The following COPS7B variants were observed in gnomAD, a reference collection of about 807,000 sequenced individuals.
The protein encoded by COPS7B is COP9 signalosome complex subunit 7b.
A neutral mutation model predicts 33.4 loss-of-function variants in COPS7B; 9 were observed. The observed-to-expected ratio is 0.27, with a 90% CI of 0.16 to 0.47. The LOEUF (loss-of-function observed/expected upper bound fraction) is 0.47. Ranked by LOEUF, COPS7B falls within the 20% of genes least tolerant of loss-of-function variation. COPS7B has a pLI of 0.99. For missense variants in COPS7B, 242 were observed against 318.2 expected (o/e 0.76, Z 1.82); for synonymous variants, 119 against 126.3 (o/e 0.94, Z 0.39).
chr2:231,806,320 T>C (rs1324342897), intron 6 of COPS7B, among the ~76,000 whole-genome samples: 4 of 152,048 alleles, frequency 2.6e-5, no homozygotes, highest in African/African-American at 9.7e-5. Context: ...GAGGCCAAGG[T>C]AGGAGGGTCA....
Position 231,796,238 on chromosome 2 carries a change from G to A in COPS7B, c.460G>A (p.Val154Met). Residue 154 changes from valine (V) to methionine (M), a missense_variant, in exon 5 of 7, where the codon GTG (valine) becomes ATG (methionine). Coordinates refer to ENST00000350033, the MANE Select transcript of COPS7B (RefSeq NM_022730.4). ...GGACCAGCGAAACCAGCTGCTGGAA[G>A]TGGATTTCTGCATTGGCCGTGACAT... is the stretch of plus-strand genomic sequence containing the variant. ...KLDQRNQLLE[V>M]DFCIGRDIRK... is the part of the protein sequence containing the mutation. The A allele has an allele frequency of 6.2e-7, 1 of 1,614,218 alleles. No individual in the cohort carries two copies. Among genetic ancestry groups the A allele is most frequent in the Non-Finnish European group, 8.5e-7 (1 of 1,180,044 alleles).
upstream of COPS7B, chr2:231,781,916 T>C: frequency 6.5e-7 from 1 of 1,542,594 alleles, no homozygotes; most frequent in Non-Finnish European, 8.8e-7. Flanking sequence ...AAAACACTGA[T>C]TAAACCGTGA....
In COPS7B at chr2:231,807,766, G is replaced by C. The variant is rs1267590214; in HGVS notation, c.*121G>C. 2 of 861,650 alleles carry C rather than the reference G, an allele frequency of 2.3e-6. No homozygotes were observed. The highest frequency in any genetic ancestry group is 3.0e-5 in the Admixed American group (1 of 33,820). 53.4% of individuals were successfully genotyped at this position (861,650 alleles called of 1,614,324 possible). On this transcript the variant is annotated 3_prime_UTR_variant, in exon 7 of 7. Coordinates refer to ENST00000350033, the MANE Select transcript of COPS7B (RefSeq NM_022730.4). ...CAGACCTGCCCGTCCCCTCACCAGCGCCTCCCCACCCTGTTGGTACTGTTC... is the reference window on the plus strand; with the variant it reads ...CAGACCTGCCCGTCCCCTCACCAGCCCCTCCCCACCCTGTTGGTACTGTTC...
chr2:231,791,245 CT>C (rs1391770450), intron 2 of COPS7B: 7 of 156,040 alleles, frequency 4.5e-5, no homozygotes, highest in African/African-American at 1.7e-4. Flanking sequence ...GCCTGGCTTT[CT>C]GTCATACCTT....
chr2:231,804,208 C>A (rs1356935015), intron 6 of COPS7B, among the ~76,000 whole-genome samples: 1 of 151,484 alleles, frequency 6.6e-6, no homozygotes, highest in Non-Finnish European at 1.5e-5. Context: ...AAATCTAAGA[C>A]ATGTTAAATA....
chr2:231,787,643 G>A (rs963333286), intron 1 of COPS7B, among the ~76,000 whole-genome samples: 1 of 152,034 alleles, frequency 6.6e-6, no homozygotes, highest in African/African-American at 2.4e-5. Context: ...CGAATACAGG[G>A]ATTTTTCCCC....
At chr2:231,805,810 A>C (rs1214456374) in intron 6 of COPS7B, among the ~76,000 whole-genome samples, 1 of 144,018 alleles carries the variant, frequency 6.9e-6, no homozygotes, top group Non-Finnish European at 1.5e-5. Flanking sequence ...ACCTGGCTAA[A>C]ATTTTTTTTT....
chr2:231,788,159 G>C (rs1447412024), intron 1 of COPS7B, among the ~76,000 whole-genome samples: 1 of 116,876 alleles, frequency 8.6e-6, no homozygotes, highest in Admixed American at 9.2e-5. Context: ...TTTTTTTTGA[G>C]ACAGTCTCGC....
chr2:231,783,068 G>T (rs1446390522), upstream of COPS7B, among the ~76,000 whole-genome samples: 1 of 152,182 alleles, frequency 6.6e-6, no homozygotes, highest in Non-Finnish European at 1.5e-5. Flanking sequence ...TGTACAGTAT[G>T]TGTCTGGCTT....
chr2:231,782,865 G>C (rs1210644393), upstream of COPS7B, among the ~76,000 whole-genome samples: 1 of 152,000 alleles, frequency 6.6e-6, no homozygotes, highest in Non-Finnish European at 1.5e-5. Flanking sequence ...TACAGTATGG[G>C]AACAATTTTC....
At chr2:231,798,155 G>T (rs1253360688) in intron 5 of COPS7B, among the ~76,000 whole-genome samples, 1 of 152,116 alleles carries the variant, frequency 6.6e-6, no homozygotes, top group South Asian at 2.1e-4. Flanking sequence ...CCAAGGTGCT[G>T]GGATTACAGG....
intron 6 of COPS7B, chr2:231,801,127 G>A (rs1039873375): frequency 2.1e-5 from 32 of 1,550,042 alleles, no homozygotes; most frequent in Non-Finnish European, 2.7e-5. Flanking sequence ...TTCTTTATTT[G>A]TCCTTAAATT....
In COPS7B at chr2:231,809,222, TATGAAATAA is replaced by T. The variant is rs1207309317; in HGVS notation, c.*1581_*1589del. ...CTGCTCTGTGGAAAAGGGGTTCTGT[TATGAAATAA>T]ATGTTGCACTCCCTGCATCCCATAT... On this transcript the variant is annotated 3_prime_UTR_variant, in exon 7 of 7. Coordinates refer to ENST00000350033, the MANE Select transcript of COPS7B (RefSeq NM_022730.4). The T allele has an allele frequency of 2.0e-5, 3 of 152,516 alleles. No homozygotes were observed. The highest frequency in any genetic ancestry group is 4.4e-5 in the Non-Finnish European group (3 of 68,054). The allele number at this position is 152,516 out of a possible 1,614,324, so 9.4% of individuals were successfully genotyped here. A position where few individuals can be genotyped will look rare whatever the true frequency, so the allele number is the denominator to read the frequency against.
chr2:231,795,013 G>A (rs1026489913), intron 4 of COPS7B, among the ~76,000 whole-genome samples: 2 of 151,118 alleles, frequency 1.3e-5, no homozygotes, highest in Non-Finnish European at 2.9e-5. Flanking sequence ...TCCACCTCCT[G>A]GGTTCAAGTG....
chr2:231,788,135 T>TG (rs2049303895), intron 1 of COPS7B, among the ~76,000 whole-genome samples: 1 of 131,668 alleles, frequency 7.6e-6, no homozygotes, highest in African/African-American at 3.3e-5. Flanking sequence ...ACTCAGGAAC[T>TG]GTTTTTTTTT....
At chr2:231,781,751 C>T (rs925712138), upstream of COPS7B, 33 of 1,338,404 alleles carry the variant, frequency 2.5e-5, no homozygotes, top group Non-Finnish European at 3.2e-5. Context: ...ACAAACCCGC[C>T]CGCTGAGTTG....
chr2:231,803,667 G>C (rs1424799144), intron 6 of COPS7B, among the ~76,000 whole-genome samples: 1 of 152,128 alleles, frequency 6.6e-6, no homozygotes, highest in Non-Finnish European at 1.5e-5. Flanking sequence ...ATAGAATTGA[G>C]TCACCATGAG....
In COPS7B at chr2:231,807,657, G is replaced by A; in HGVS notation, c.*12G>A. On this transcript the variant is annotated 3_prime_UTR_variant, in exon 7 of 7. Coordinates refer to ENST00000350033, the MANE Select transcript of COPS7B (RefSeq NM_022730.4). ...CCAGCCGCCACTAGGGCCGGCTGGGGCAGCTGGCACTCACCAGGCCTGGGT... is the reference window on the plus strand; with the variant it reads ...CCAGCCGCCACTAGGGCCGGCTGGGACAGCTGGCACTCACCAGGCCTGGGT... The A allele has an allele frequency of 6.5e-7, 1 of 1,547,034 alleles. No individual in the cohort carries two copies. The highest frequency in any genetic ancestry group is 8.7e-7 in the Non-Finnish European group (1 of 1,145,382).
At chr2:231,794,910 G>A (rs558697653) in intron 4 of COPS7B, among the ~76,000 whole-genome samples, 5 of 151,080 alleles carry the variant, frequency 3.3e-5, no homozygotes, top group South Asian at 2.1e-4. Flanking sequence ...GGACCACCCC[G>A]CCCGGCTAAT....
Sources: allele counts gnomAD v4.1 joint callset (sites outside exome capture counted in the v4.1 genomes callset), GRCh38; gene constraint gnomAD v4.1.1; transcripts MANE v1.5; gene names NCBI Gene and HGNC (gene_info 2026-07-23, HGNC 2026-07-21).